PRKX: variants seen among roughly 807,000 people sequenced by gnomAD.
The protein encoded by PRKX is cAMP-dependent protein kinase catalytic subunit PRKX.
Under a neutral mutation model 22.0 loss-of-function variants are expected in PRKX, and 12 were observed. The ratio of observed to expected loss-of-function variants is 0.54; its 90% CI spans 0.35 to 0.88. The LOEUF (loss-of-function observed/expected upper bound fraction) is 0.88. Among genes scored for constraint, PRKX ranks in the 40% least tolerant of loss-of-function variants. PRKX has a pLI of 0.01. For missense variants in PRKX, 217 were observed against 308.0 expected (o/e 0.70, Z 2.21); for synonymous variants, 134 against 137.7 (o/e 0.97, Z 0.19).
intron 2 of PRKX, among the ~76,000 whole-genome samples, chrX:3,673,249 AAGG>A (rs769729575): frequency 4.5e-5 from 5 of 111,130 alleles, no homozygotes; most frequent in South Asian, 7.7e-4. Context: ...GAGAGCAAAG[AAGG>A]AGGCCTGTCA....
At position 3,613,150 on chromosome X, in the gene PRKX, C is replaced by CAAA. The variant is rs528688936; in HGVS notation, c.952-828_952-826dup. ...TGGGCAACGGAGCAAGACTTCGTCTCAAAAAAAAAAAAAAAAAAAAAAAAA... is the reference window on the plus strand; with the variant it reads ...TGGGCAACGGAGCAAGACTTCGTCTCAAAAAAAAAAAAAAAAAAAAAAAAAAAA... On this transcript the variant is annotated intron_variant, in intron 7 of 8. Transcript: ENST00000262848. Among the ~76,000 whole-genome samples, 221 of 54,294 alleles carry CAAA rather than the reference C, an allele frequency of 4.1e-3. 30 individuals carry two copies. The highest frequency in any genetic ancestry group is 0.03 in the East Asian group (37 of 1,239). 47.1% of individuals were successfully genotyped at this position (54,294 alleles called of 115,157 possible).
intron 4 of PRKX, chrX:3,641,625 G>C (rs1234724941): frequency 6.1e-6 from 1 of 165,011 alleles, no homozygotes; most frequent in Non-Finnish European, 1.1e-5. Flanking sequence ...GGCATGCATG[G>C]GTGGTTCCTT....
chrX:3,617,230 T>TTTTA (rs1555969026), intron 6 of PRKX, among the ~76,000 whole-genome samples: 5 of 108,046 alleles, frequency 4.6e-5, no homozygotes, highest in Non-Finnish European at 9.6e-5. Flanking sequence ...TACACATGTA[T>TTTTA]TATATATATA....
chrX:3,676,986 C>G (rs1398867297), intron 1 of PRKX, among the ~76,000 whole-genome samples: 9 of 111,999 alleles, frequency 8.0e-5, no homozygotes, highest in African/African-American at 2.9e-4. Flanking sequence ...TCCATTAAAC[C>G]TCTTTCCTTT....
At chrX:3,617,377 G>A (rs183549041) in intron 6 of PRKX, among the ~76,000 whole-genome samples, 2 of 109,929 alleles carry the variant, frequency 1.8e-5, no homozygotes, top group African/African-American at 6.6e-5. Context: ...GGGAGCAGTG[G>A]CTCACGTTTA....
At chrX:3,631,110 C>T (rs1926771643) in intron 4 of PRKX, among the ~76,000 whole-genome samples, 2 of 112,211 alleles carry the variant, frequency 1.8e-5, no homozygotes, top group African/African-American at 6.5e-5. Context: ...CATTGATTAT[C>T]AGAAATGTCC....
At chrX:3,623,061 A>G (rs1181666318) in intron 5 of PRKX, among the ~76,000 whole-genome samples, 1 of 104,789 alleles carries the variant, frequency 9.5e-6, no homozygotes, top group Admixed American at 1.0e-4. Flanking sequence ...TGTATACGCT[A>G]ATGGGGCAGG....
At chrX:3,671,578 G>A (rs367966342) in intron 2 of PRKX, among the ~76,000 whole-genome samples, 1 of 111,737 alleles carries the variant, frequency 8.9e-6, no homozygotes, top group Non-Finnish European at 1.9e-5. Flanking sequence ...GCTCACATTC[G>A]ACTGTAACCA....
chrX:3,638,013 C>T (rs1302390220), intron 4 of PRKX, among the ~76,000 whole-genome samples: 6 of 110,784 alleles, frequency 5.4e-5, no homozygotes, highest in East Asian at 5.7e-4. Context: ...CCAACCACCT[C>T]GGCCTCCCAA....
chrX:3,695,604 G>C (rs1275756368), intron 1 of PRKX, among the ~76,000 whole-genome samples: 1 of 110,944 alleles, frequency 9.0e-6, no homozygotes, highest in Non-Finnish European at 1.9e-5. Flanking sequence ...TAGAGATAGG[G>C]TCTCCCTATG....
At chrX:3,660,652 G>T (rs1276599867) in intron 2 of PRKX, among the ~76,000 whole-genome samples, 5 of 111,978 alleles carry the variant, frequency 4.5e-5, no homozygotes, top group Non-Finnish European at 7.5e-5. Context: ...CCTTTCAGGA[G>T]CATCAGAGAT....
At chrX:3,634,890 A>T (rs1163348569) in intron 4 of PRKX, among the ~76,000 whole-genome samples, 1 of 110,735 alleles carries the variant, frequency 9.0e-6, no homozygotes, top group Admixed American at 9.6e-5. Flanking sequence ...TTTTTGTAGA[A>T]ATGGGGTCTC....
At chrX:3,678,712 C>A (rs1227938858) in intron 1 of PRKX, among the ~76,000 whole-genome samples, 1 of 111,699 alleles carries the variant, frequency 9.0e-6, no homozygotes, top group Non-Finnish European at 1.9e-5. Flanking sequence ...GGTTTATCAG[C>A]TTAAGTGCAC....
intron 1 of PRKX, 88 bp from the exon 2 acceptor site, chrX:3,674,854 C>A: frequency 9.4e-7 from 1 of 1,062,939 alleles, no homozygotes; most frequent in South Asian, 1.9e-5. Flanking sequence ...GGGGGCTGCA[C>A]CAGGACGGCA....
chrX:3,711,560 G>T (rs1462227469), intron 1 of PRKX, among the ~76,000 whole-genome samples: 1 of 112,069 alleles, frequency 8.9e-6, no homozygotes, highest in Non-Finnish European at 1.9e-5. Flanking sequence ...AATGACAAAC[G>T]CTGGTGCTGA....
intron 1 of PRKX, among the ~76,000 whole-genome samples, chrX:3,675,381 G>C (rs111916309): frequency 9.0e-6 from 1 of 111,317 alleles, no homozygotes; most frequent in East Asian, 2.8e-4. Flanking sequence ...AAATATAAAA[G>C]AAAACCAATA....
At chrX:3,696,840 CA>C (rs1928452289) in intron 1 of PRKX, among the ~76,000 whole-genome samples, 1 of 111,153 alleles carries the variant, frequency 9.0e-6, no homozygotes, top group African/African-American at 3.3e-5. Context: ...GCCAACAAGG[CA>C]AAACTCTGTC....
intron 5 of PRKX, among the ~76,000 whole-genome samples, chrX:3,622,543 C>T (rs1248628292): frequency 9.0e-6 from 1 of 110,676 alleles, no homozygotes; most frequent in Non-Finnish European, 1.9e-5. Flanking sequence ...TAGGGTCAGA[C>T]TCCACCATCT....
chrX:3,605,047 A>G lies in PRKX; in HGVS notation c.*3922T>C, dbSNP rs1434908924. On this transcript the variant is annotated 3_prime_UTR_variant, in exon 9 of 9. Coordinates refer to ENST00000262848, the MANE Select transcript of PRKX (RefSeq NM_005044.5). ...CACACACACACACACACACACACAC[A>G]CACACACACACACCCCGCAAAGAAA... The G allele has an allele frequency of 9.3e-6, 1 of 107,232 alleles. No homozygotes were observed. The highest frequency in any genetic ancestry group is 1.9e-5 in the Non-Finnish European group (1 of 52,066). 8.8% of individuals were successfully genotyped at this position (107,232 alleles called of 1,213,427 possible).
Sources: gnomAD v4.1 joint callset for allele counts (sites outside exome capture counted in the v4.1 genomes callset) on GRCh38, gnomAD v4.1.1 for gene constraint, MANE v1.5 for transcripts, NCBI Gene and HGNC (gene_info 2026-07-23, HGNC 2026-07-21) for gene names.